Variants in RBFOX1 observed in about 807,000 individuals in gnomAD.
The protein encoded by RBFOX1 is RNA binding fox-1 homolog 1.
RBFOX1 carries 8 observed loss-of-function variants against 57.7 expected under a neutral mutation model. The observed-to-expected ratio is 0.14, with a 90% CI of 0.08 to 0.25. RBFOX1 has a LOEUF of 0.25. Among genes scored for constraint, RBFOX1 ranks in the 10% least tolerant of loss-of-function variants. The pLI is 1.00. For missense variants in RBFOX1, 611 were observed against 548.5 expected (o/e 1.11, Z -1.14); for synonymous variants, 326 against 222.4 (o/e 1.47, Z -4.15).
At chr16:5,296,809 G>A (rs556930910) in intron 1 of RBFOX1, among the ~76,000 whole-genome samples, 1 of 151,770 alleles carries the variant, frequency 6.6e-6, no homozygotes, top group East Asian at 1.9e-4. Context: ...CTCCTTAGTA[G>A]CTGGGATTAC....
intron 3 of RBFOX1, among the ~76,000 whole-genome samples, chr16:6,961,350 C>T (rs1460569936): frequency 1.3e-5 from 2 of 152,156 alleles, no homozygotes; most frequent in Non-Finnish European, 2.9e-5. Context: ...GCGTCCACTC[C>T]AGACCGTGTT....
chr16:6,802,547 C>G lies in RBFOX1; in HGVS notation c.-16+147897C>G, dbSNP rs189463331. Among the ~76,000 whole-genome samples the G allele has an allele frequency of 2.9e-3, 448 of 152,206 alleles. 4 individuals are homozygous for G. The highest frequency in any genetic ancestry group is 0.011 in the African/African-American group (438 of 41,526). On this transcript the variant is annotated intron_variant, in intron 3 of 15. Transcript: ENST00000550418. ...CAAAAGTTACTCGGGCATGGTGGTG[C>G]ACACCTGTAATCCCAGATACTTGGG...
At chr16:7,327,988 A>G (rs926607149) in intron 4 of RBFOX1, among the ~76,000 whole-genome samples, 6 of 152,080 alleles carry the variant, frequency 3.9e-5, no homozygotes, top group African/African-American at 1.4e-4. Flanking sequence ...CACAGCCAAC[A>G]CTTCTGTTTC....
At chr16:7,228,478 T>C (rs995439458) in intron 4 of RBFOX1, among the ~76,000 whole-genome samples, 1 of 152,192 alleles carries the variant, frequency 6.6e-6, no homozygotes, top group African/African-American at 2.4e-5. Context: ...GGTGTTCTCA[T>C]TGAACTTGGT....
chr16:6,965,104 G>A (rs535794478), intron 3 of RBFOX1, among the ~76,000 whole-genome samples: 2 of 152,020 alleles, frequency 1.3e-5, no homozygotes, highest in African/African-American at 4.8e-5. Flanking sequence ...GTCATGAGGT[G>A]GGTTTATCTA....
In RBFOX1 at chr16:7,011,891, G is replaced by A. The variant is rs2093670679; in HGVS notation, c.-15-40166G>A. Among the ~76,000 whole-genome samples, 3 of 152,198 alleles carry A rather than the reference G, an allele frequency of 2.0e-5. No homozygotes were observed. The South Asian group carries it at 6.2e-4, about 32-fold the overall frequency. The stretch of plus-strand genomic sequence containing the variant: ...ATGCCTTTGGATGATGTTAGCTCAA[G>A]TGGTATTGCATGCTCTTCCACCCCA... On this transcript the variant is annotated intron_variant, in intron 3 of 15. Transcript: ENST00000550418.
intron 3 of RBFOX1, among the ~76,000 whole-genome samples, chr16:5,673,405 C>G (rs1381921329): frequency 1.3e-5 from 2 of 151,882 alleles, no homozygotes; most frequent in African/African-American, 4.9e-5. Context: ...AGAGGGAACC[C>G]ATCCTGAAGG....
chr16:5,680,345 A>G (rs547150419), intron 3 of RBFOX1, among the ~76,000 whole-genome samples: 1 of 152,344 alleles, frequency 6.6e-6, no homozygotes, highest in African/African-American at 2.4e-5. Context: ...GGCCAAGTCC[A>G]TTGAACCCTA....
At chr16:5,910,941 T>TC in intron 4 of RBFOX1, among the ~76,000 whole-genome samples, 1 of 152,178 alleles carries the variant, frequency 6.6e-6, no homozygotes, top group Non-Finnish European at 1.5e-5. Context: ...CTCCCTGTGT[T>TC]CCCCAAAGGG....
chr16:6,862,149 T>C (rs902922179), intron 3 of RBFOX1, among the ~76,000 whole-genome samples: 1 of 152,172 alleles, frequency 6.6e-6, no homozygotes, highest in Non-Finnish European at 1.5e-5. Flanking sequence ...AAAGAGTTTT[T>C]CATTTAGATT....
Position 7,040,932 on chromosome 16 carries a change from G to C in RBFOX1, c.-15-11125G>C, listed in dbSNP as rs987215548. Among the ~76,000 whole-genome samples the C allele has an allele frequency of 2.0e-4, 31 of 151,372 alleles. No homozygotes were observed. In the East Asian group the frequency reaches 5.1e-3, roughly 25 times the overall value. ...TTTGTTTTTTTGTTTTTTTGCTGGG[G>C]GGGGAAGGAGTCTTGCTCTGTCCCC... On this transcript the variant is annotated intron_variant, in intron 3 of 15. Coordinates refer to ENST00000550418, the MANE Select transcript of RBFOX1 (RefSeq NM_018723.4).
chr16:5,410,245 C>T lies in RBFOX1; in HGVS notation c.220-56971C>T, dbSNP rs535736975. On this transcript the variant is annotated intron_variant, in intron 1 of 2. Coordinates refer to the RBFOX1 transcript ENST00000585867. ...AATTAGCTGGGCATGGTGGTGTGTA[C>T]CTGTAGTTCCAGCTACTCAGGAGGC... Among the ~76,000 whole-genome samples, 3 of 151,846 alleles carry T rather than the reference C, an allele frequency of 2.0e-5. No individual in the cohort carries two copies. In the East Asian group the frequency reaches 5.8e-4, roughly 29 times the overall value.
At chr16:5,284,540 T>C (rs4786661) in intron 1 of RBFOX1, among the ~76,000 whole-genome samples, 106,922 of 131,904 alleles carry the variant, frequency 0.81, 42,421 homozygotes, top group East Asian at 0.98. Flanking sequence ...ATATTTTTTC[T>C]TTTTTTTTTT....
At chr16:6,538,171 A>T (rs918014999) in intron 2 of RBFOX1, among the ~76,000 whole-genome samples, 1 of 152,206 alleles carries the variant, frequency 6.6e-6, no homozygotes, top group Non-Finnish European at 1.5e-5. Flanking sequence ...ATGTGGAAAT[A>T]TGCTCAACAC....
intron 2 of RBFOX1, among the ~76,000 whole-genome samples, chr16:6,496,548 T>C (rs1480143898): frequency 1.3e-5 from 2 of 152,150 alleles, no homozygotes; most frequent in African/African-American, 4.8e-5. Flanking sequence ...TTAGGCACAG[T>C]TATCCAAAGC....
intron 1 of RBFOX1, among the ~76,000 whole-genome samples, chr16:6,194,733 A>G (rs375143989): frequency 1.3e-5 from 2 of 152,170 alleles, no homozygotes; most frequent in Non-Finnish European, 2.9e-5. Context: ...CTCTATCCCT[A>G]TACATCTATC....
chr16:5,692,360 C>T (rs1041410793), intron 3 of RBFOX1, among the ~76,000 whole-genome samples: 3 of 152,050 alleles, frequency 2.0e-5, no homozygotes, highest in African/African-American at 4.8e-5. Context: ...GGTCTCTGGC[C>T]AGTAGCCACC....
At chr16:7,209,259 C>G (rs1327289586) in intron 4 of RBFOX1, among the ~76,000 whole-genome samples, 1 of 151,868 alleles carries the variant, frequency 6.6e-6, no homozygotes, top group African/African-American at 2.4e-5. Context: ...CACTTGAACC[C>G]AAGAGGCAGA....
chr16:7,046,237 GGTGTGTGTGT>G (rs34943266), intron 3 of RBFOX1, among the ~76,000 whole-genome samples: 13 of 146,694 alleles, frequency 8.9e-5, no homozygotes, highest in Middle Eastern at 3.5e-3. Context: ...TAGGTAAAGG[GGTGTGTGTGT>G]GTGTGTGTGT....
Sources: gnomAD v4.1 joint callset for allele counts (sites outside exome capture counted in the v4.1 genomes callset) on GRCh38, gnomAD v4.1.1 for gene constraint, MANE v1.5 for transcripts, NCBI Gene and HGNC (gene_info 2026-07-23, HGNC 2026-07-21) for gene names.